CDS1: variants seen among roughly 807,000 people sequenced by gnomAD.
CDS1 encodes the protein CDP-diacylglycerol synthase 1, also known as phosphatidate cytidylyltransferase 1.
In CDS1, 41 loss-of-function variants were observed where a neutral mutation model predicts 62.1. The observed-to-expected ratio is 0.66, with a 90% CI of 0.51 to 0.86. The LOEUF (loss-of-function observed/expected upper bound fraction) is 0.86, where lower values mean the gene tolerates loss of function less well. Among genes scored for constraint, CDS1 ranks in the 40% least tolerant of loss-of-function variants. The pLI is 0.00. For missense variants in CDS1, 470 were observed against 550.1 expected, an observed-to-expected ratio of 0.85 and a Z score of 1.46; for synonymous variants, 185 against 192.6, an observed-to-expected ratio of 0.96 and a Z score of 0.32.
At chr4:84,600,933 C>G (rs753537498) in intron 1 of CDS1, among the ~76,000 whole-genome samples, 12 of 151,882 alleles carry the variant, frequency 7.9e-5, no homozygotes, top group Non-Finnish European at 1.3e-4. Context: ...CTTTGGGAGG[C>G]CAAGGCAGGT....
At chr4:84,630,921 C>T (rs1050097735) in intron 5 of CDS1, among the ~76,000 whole-genome samples, 3 of 152,150 alleles carry the variant, frequency 2.0e-5, no homozygotes, top group East Asian at 1.9e-4. Context: ...TATCTTTAGA[C>T]GTTTACTGGT....
At chr4:84,612,718 C>T (rs527419738) in intron 3 of CDS1, among the ~76,000 whole-genome samples, 8 of 152,126 alleles carry the variant, frequency 5.3e-5, no homozygotes, top group South Asian at 2.1e-4. Context: ...TGGCCAGGTG[C>T]GGTGGCTGAC....
At chr4:84,624,124 A>T (rs1447559514) in intron 5 of CDS1, among the ~76,000 whole-genome samples, 1 of 151,774 alleles carries the variant, frequency 6.6e-6, no homozygotes, top group African/African-American at 2.4e-5. Context: ...ACAAAAAAAA[A>T]TTAGCTGGGC....
chr4:84,601,356 A>G (rs1370918427), intron 1 of CDS1, among the ~76,000 whole-genome samples: 1 of 152,134 alleles, frequency 6.6e-6, no homozygotes, highest in East Asian at 1.9e-4. Flanking sequence ...AAGGAATTAC[A>G]GAAGGAGGCA....
chr4:84,621,205 G>A (rs1723676698), intron 5 of CDS1, among the ~76,000 whole-genome samples: 1 of 152,282 alleles, frequency 6.6e-6, no homozygotes, highest in African/African-American at 2.4e-5. Context: ...CATGAAGTTT[G>A]TTTGTGAGTT....
intron 8 of CDS1, among the ~76,000 whole-genome samples, chr4:84,635,561 A>T (rs1005684492): frequency 4.2e-5 from 6 of 141,186 alleles, no homozygotes; most frequent in African/African-American, 8.0e-5. Flanking sequence ...CAGGAAGGGC[A>T]TGACTCCATC....
chr4:84,594,684 A>G (rs1722695131), intron 1 of CDS1, among the ~76,000 whole-genome samples: 1 of 152,164 alleles, frequency 6.6e-6, no homozygotes, highest in Non-Finnish European at 1.5e-5. Context: ...GGTTAGTACA[A>G]TGATCATCAG....
chr4:84,635,620 TGCCTGCCTTCCTTCCTTCCTTCCTTCC>T (rs1724167672), intron 8 of CDS1, among the ~76,000 whole-genome samples: 15 of 106,386 alleles, frequency 1.4e-4, no homozygotes, highest in Non-Finnish European at 2.4e-4. Flanking sequence ...CCTGCCTGCC[TGCCTGCCTTCCTTCCTTCCTTCCTTCC>T]TTCCTTCCTT....
intron 1 of CDS1, among the ~76,000 whole-genome samples, chr4:84,598,366 G>A (rs897015529): frequency 6.6e-6 from 1 of 151,168 alleles, no homozygotes; most frequent in Admixed American, 6.6e-5. Flanking sequence ...GATTCTTGAC[G>A]GAAGAGCTGA....
At chr4:84,642,242 C>T (rs1161098305) in intron 10 of CDS1, among the ~76,000 whole-genome samples, 1 of 151,608 alleles carries the variant, frequency 6.6e-6, no homozygotes, top group African/African-American at 2.4e-5. Flanking sequence ...AGGAGAATCA[C>T]TTGAACCTGG....
chr4:84,590,610 A>G (rs1465910327), intron 1 of CDS1, among the ~76,000 whole-genome samples: 1 of 152,224 alleles, frequency 6.6e-6, no homozygotes, highest in Non-Finnish European at 1.5e-5. Context: ...GGCATAACAT[A>G]GAATTTAAGG....
Position 84,619,403 on chromosome 4 carries a change from A to C in CDS1, c.450A>C (p.Leu150=), listed in dbSNP as rs769095664. ...TGTTTTTAAATTATAGGTACTTTCT[A>C]TTGTGTGTAAACTACTTTTTCTATG... The part of the protein sequence containing the change: ...PWFRTLSWYF[L]LCVNYFFYGE... The change falls in exon 5 of 13, where the codon CTA becomes CTC. Residue 150 remains leucine, a synonymous_variant. Transcript: ENST00000295887. The C allele has an allele frequency of 1.3e-6, 2 of 1,520,400 alleles. No individual in the cohort carries two copies. The highest frequency in any genetic ancestry group is 1.8e-6 in the Non-Finnish European group (2 of 1,115,024). 94.2% of individuals were successfully genotyped at this position (1,520,400 alleles called of 1,614,324 possible).
intron 1 of CDS1, among the ~76,000 whole-genome samples, chr4:84,585,591 C>T (rs1722388334): frequency 6.6e-6 from 1 of 152,170 alleles, no homozygotes. Flanking sequence ...AGGCAAAACT[C>T]TTGGGGAATT....
chr4:84,597,512 A>G (rs1050241473), intron 1 of CDS1, among the ~76,000 whole-genome samples: 6 of 151,934 alleles, frequency 3.9e-5, no homozygotes, highest in African/African-American at 1.5e-4. Context: ...TGGTGGCCCC[A>G]CCTGTAGTCC....
In CDS1 at chr4:84,617,635, T is replaced by C; in HGVS notation, c.414T>C (p.Asp138=). 2 of 1,566,828 alleles carry C rather than the reference T, an allele frequency of 1.3e-6. No individual in the cohort carries two copies. Among genetic ancestry groups the C allele is most frequent in the Non-Finnish European group, 1.8e-6 (2 of 1,141,884 alleles). ...GTTATAGAGTCTATCATTCTTATGA[T>C]CTACCATGGTTTAGAACACTAAGTT... ...TIGYRVYHSY[D]LPWFRTLSWY... is the part of the protein sequence containing the mutation. Residue 138 remains aspartate, a synonymous_variant, in exon 4 of 13, where the codon GAT becomes GAC. Transcript: ENST00000295887.
At chr4:84,615,255 GTCT>G (rs1723452343) in intron 3 of CDS1, among the ~76,000 whole-genome samples, 1 of 151,778 alleles carries the variant, frequency 6.6e-6, no homozygotes, top group Non-Finnish European at 1.5e-5. Context: ...CTTCTCTCCT[GTCT>G]TCTTCTCTAC....
intron 12 of CDS1, among the ~76,000 whole-genome samples, chr4:84,647,200 G>C (rs1478108396): frequency 3.3e-5 from 5 of 151,510 alleles, no homozygotes; most frequent in African/African-American, 9.7e-5. Context: ...TTTTTTCCCT[G>C]TTTTATTTAT....
At chr4:84,605,617 A>G (rs763750119) in intron 2 of CDS1, among the ~76,000 whole-genome samples, 1 of 152,126 alleles carries the variant, frequency 6.6e-6, no homozygotes, top group Non-Finnish European at 1.5e-5. Context: ...ATAACTTTGC[A>G]TTAAAATCTC....
intron 5 of CDS1, among the ~76,000 whole-genome samples, chr4:84,623,640 G>A (rs923736181): frequency 2.0e-5 from 3 of 152,128 alleles, no homozygotes; most frequent in Non-Finnish European, 4.4e-5. Flanking sequence ...TACCAGGATG[G>A]AATACAAACT....
Sources: allele counts gnomAD v4.1 joint callset (sites outside exome capture counted in the v4.1 genomes callset), GRCh38; gene constraint gnomAD v4.1.1; transcripts MANE v1.5; gene names NCBI Gene and HGNC (gene_info 2026-07-23, HGNC 2026-07-21).